CSMD1: variants seen among roughly 807,000 people sequenced by gnomAD.
CSMD1 encodes the protein CUB and Sushi multiple domains 1, also known as CUB and sushi domain-containing protein 1.
A neutral mutation model predicts 417.5 loss-of-function variants in CSMD1; 213 were observed. The ratio of observed to expected loss-of-function variants is 0.51; its 90% CI spans 0.46 to 0.57. The LOEUF (loss-of-function observed/expected upper bound fraction) is 0.57, where lower values mean the gene tolerates loss of function less well. Ranked by LOEUF, CSMD1 falls within the 20% of genes least tolerant of loss-of-function variation. CSMD1 has a pLI of 0.00. For synonymous variants in CSMD1, 2,862 were observed against 1,736.8 expected, an observed-to-expected ratio of 1.65 and a Z score of -16.11; for missense variants, 6,923 against 4,529.7, an observed-to-expected ratio of 1.53 and a Z score of -15.17.
At chr8:4,083,648 C>G (rs1563101890) in intron 3 of CSMD1, among the ~76,000 whole-genome samples, 1 of 152,092 alleles carries the variant, frequency 6.6e-6, no homozygotes, top group Non-Finnish European at 1.5e-5. Context: ...ATGTAGAAAG[C>G]TGAAACTGGA....
At chr8:4,420,421 G>A (rs749345772) in intron 2 of CSMD1, among the ~76,000 whole-genome samples, 1 of 151,814 alleles carries the variant, frequency 6.6e-6, no homozygotes, top group Non-Finnish European at 1.5e-5. Flanking sequence ...ATATGTGCAG[G>A]TTTATTAGGT....
At chr8:3,472,778 G>T (rs1427949261) in intron 11 of CSMD1, among the ~76,000 whole-genome samples, 1 of 151,988 alleles carries the variant, frequency 6.6e-6, no homozygotes, top group African/African-American at 2.4e-5. Context: ...GTATAAGGGG[G>T]AAAACATTTA....
At chr8:4,233,575 C>A (rs1327573319) in intron 3 of CSMD1, among the ~76,000 whole-genome samples, 3 of 152,140 alleles carry the variant, frequency 2.0e-5, no homozygotes, top group Non-Finnish European at 1.5e-5. Flanking sequence ...AGGGAGAAGG[C>A]CCTGTCTATG....
chr8:4,687,075 C>A (rs961622153), intron 1 of CSMD1, among the ~76,000 whole-genome samples: 1 of 152,290 alleles, frequency 6.6e-6, no homozygotes, highest in Admixed American at 6.5e-5. Context: ...TTCAGGCGAG[C>A]CGGCCCCTGT....
intron 1 of CSMD1, among the ~76,000 whole-genome samples, chr8:4,862,294 A>G (rs980080810): frequency 1.3e-5 from 2 of 152,066 alleles, no homozygotes; most frequent in African/African-American, 4.8e-5. Flanking sequence ...GAGAGTATCA[A>G]TGTCCATCAT....
At chr8:3,674,192 C>A (rs1237531898) in intron 7 of CSMD1, among the ~76,000 whole-genome samples, 2 of 152,180 alleles carry the variant, frequency 1.3e-5, no homozygotes, top group African/African-American at 2.4e-5. Flanking sequence ...AATACAAGAC[C>A]CTGAGTTGTC....
At position 3,997,918 on chromosome 8, in the gene CSMD1, T is replaced by C. The variant is rs763308247; in HGVS notation, c.803A>G (p.Glu268Gly). 4.3e-6 allele frequency: 7 copies of C among 1,612,052 alleles called. No individual in the cohort carries two copies. Among genetic ancestry groups the C allele is most frequent in the Non-Finnish European group, 5.9e-6 (7 of 1,179,142 alleles). Residue 268 changes from glutamate (E) to glycine (G), a missense_variant, in exon 5 of 70, where the codon GAA (glutamate) becomes GGA (glycine). Glu to Gly is a moderately conservative substitution (Grantham distance 98). Transcript: ENST00000635120. ...GYDFLEISGT[E>G]APSIWLTGMN... The stretch of plus-strand genomic sequence containing the variant: ...CGGGACTTACCATATGGATGGAGCT[T>C]CCGTGCCACTGATCTCTAAGAAATC...
intron 3 of CSMD1, among the ~76,000 whole-genome samples, chr8:4,087,002 G>C (rs532921758): frequency 6.6e-5 from 10 of 152,282 alleles, no homozygotes; most frequent in Non-Finnish European, 1.3e-4. Context: ...ACAAAATGGG[G>C]ATAACGCTAT....
chr8:4,165,986 G>T (rs1321215250), intron 3 of CSMD1, among the ~76,000 whole-genome samples: 2 of 152,098 alleles, frequency 1.3e-5, no homozygotes, highest in Non-Finnish European at 2.9e-5. Flanking sequence ...TTGAAACAAA[G>T]TTTGCAATTA....
At chr8:4,707,544 G>A (rs746232762) in intron 1 of CSMD1, among the ~76,000 whole-genome samples, 27 of 152,094 alleles carry the variant, frequency 1.8e-4, no homozygotes, top group Non-Finnish European at 2.9e-4. Flanking sequence ...GCCGCTTGTA[G>A]AACAGATGCT....
rs572840450 is a variant in CSMD1 at position 4,931,972 on chromosome 8, T to G, written c.85+62360A>C. Among the ~76,000 whole-genome samples, 8 of 152,314 alleles carry G rather than the reference T, an allele frequency of 5.3e-5. No individual in the cohort carries two copies. The South Asian group carries it at 1.7e-3, about 32-fold the overall frequency. On this transcript the variant is annotated intron_variant, in intron 1 of 69. Coordinates refer to ENST00000635120, the MANE Select transcript of CSMD1 (RefSeq NM_033225.6). ...TGTAACATGTATTAGTTATTAAAAT[T>G]CAGGAAAAAATTTAAAACCACAATA...
intron 1 of CSMD1, among the ~76,000 whole-genome samples, chr8:4,829,988 G>A (rs6992314): frequency 0.28 from 43,206 of 151,994 alleles, 6,380 homozygotes; most frequent in African/African-American, 0.35. Context: ...CGGACAGCTT[G>A]TCTTTCCGTG....
chr8:4,949,824 A>T (rs1485621282), intron 1 of CSMD1, among the ~76,000 whole-genome samples: 1 of 152,202 alleles, frequency 6.6e-6, no homozygotes, highest in African/African-American at 2.4e-5. Flanking sequence ...GCATATCTGA[A>T]GGACAGGATA....
At chr8:3,145,513 G>A (rs1818789242) in intron 40 of CSMD1, among the ~76,000 whole-genome samples, 1 of 152,114 alleles carries the variant, frequency 6.6e-6, no homozygotes. Flanking sequence ...TTGGAATTCA[G>A]TTTGAAAAGG....
chr8:4,601,233 G>C (rs190635312), intron 2 of CSMD1, among the ~76,000 whole-genome samples: 1 of 152,186 alleles, frequency 6.6e-6, no homozygotes, highest in Non-Finnish European at 1.5e-5. Flanking sequence ...CGGGATTACA[G>C]GCGTGAGCCA....
intron 8 of CSMD1, among the ~76,000 whole-genome samples, chr8:3,592,880 C>T (rs963884132): frequency 6.6e-6 from 1 of 152,042 alleles, no homozygotes; most frequent in African/African-American, 2.4e-5. Context: ...TCTCCCACTT[C>T]CTGCTTCTCC....
chr8:3,144,831 G>A (rs1818742655), intron 40 of CSMD1, among the ~76,000 whole-genome samples: 1 of 140,754 alleles, frequency 7.1e-6, no homozygotes, highest in Non-Finnish European at 1.5e-5. Flanking sequence ...AGGGGTAAGG[G>A]AGGGAGGGGG....
At chr8:3,825,585 G>T (rs1039194543) in intron 5 of CSMD1, among the ~76,000 whole-genome samples, 20 of 151,774 alleles carry the variant, frequency 1.3e-4, no homozygotes, top group Admixed American at 8.5e-4. Context: ...ACCTAGAAGA[G>T]TGGGGGAAGG....
intron 5 of CSMD1, among the ~76,000 whole-genome samples, chr8:3,820,748 G>C (rs989723776): frequency 6.6e-6 from 1 of 151,914 alleles, no homozygotes; most frequent in Admixed American, 6.6e-5. Context: ...GCAAATTGTT[G>C]TATTTTTTGT....
Sources: gnomAD v4.1 joint callset for allele counts (sites outside exome capture counted in the v4.1 genomes callset) on GRCh38, gnomAD v4.1.1 for gene constraint, MANE v1.5 for transcripts, NCBI Gene and HGNC (gene_info 2026-07-23, HGNC 2026-07-21) for gene names.